The following GNA12 variants were observed in gnomAD, a reference collection of about 807,000 sequenced individuals.
The protein encoded by GNA12 is G protein subunit alpha 12.
In GNA12, 9 loss-of-function variants were observed where a neutral mutation model predicts 26.0. That is an observed-to-expected ratio of 0.35 (90% CI 0.21 to 0.60). The LOEUF is 0.60. Ranked by LOEUF, GNA12 falls within the 20% of genes least tolerant of loss-of-function variation. GNA12 has a pLI of 0.78. For synonymous variants in GNA12, 264 were observed against 219.6 expected, an observed-to-expected ratio of 1.20 and a Z score of -1.79; for missense variants, 405 against 525.8, an observed-to-expected ratio of 0.77 and a Z score of 2.25.
intron 1 of GNA12, among the ~76,000 whole-genome samples, chr7:2,838,963 G>T (rs958947225): frequency 1.3e-5 from 2 of 152,166 alleles, no homozygotes; most frequent in African/African-American, 2.4e-5. Context: ...TTAACTGACA[G>T]AACTACTGAA....
intron 2 of GNA12, among the ~76,000 whole-genome samples, chr7:2,742,634 T>C (rs1255911426): frequency 6.6e-6 from 1 of 152,208 alleles, no homozygotes; most frequent in Admixed American, 6.5e-5. Flanking sequence ...TAAAGTCAGC[T>C]GTCAATGTCT....
At chr7:2,743,394 TTCA>T (rs1313917074) in intron 2 of GNA12, among the ~76,000 whole-genome samples, 1 of 152,134 alleles carries the variant, frequency 6.6e-6, no homozygotes, top group Non-Finnish European at 1.5e-5. Context: ...ATGGAAGATA[TTCA>T]TCATCAGGGG....
At chr7:2,801,038 C>T (rs1792796945) in intron 1 of GNA12, among the ~76,000 whole-genome samples, 1 of 152,100 alleles carries the variant, frequency 6.6e-6, no homozygotes, top group South Asian at 2.1e-4. Context: ...GGCGAGGTCT[C>T]GGGCAAAGGG....
intron 2 of GNA12, among the ~76,000 whole-genome samples, chr7:2,759,848 T>A (rs996262998): frequency 3.9e-5 from 6 of 151,924 alleles, no homozygotes; most frequent in African/African-American, 1.5e-4. Context: ...TGCCGTCCAA[T>A]GCGATTGTCC....
chr7:2,792,678 C>T (rs935282697), intron 2 of GNA12, among the ~76,000 whole-genome samples: 1 of 152,200 alleles, frequency 6.6e-6, no homozygotes, highest in Admixed American at 6.6e-5. Flanking sequence ...TCTTCCAGCC[C>T]TGCTCTTTAG....
chr7:2,766,666 G>A lies in GNA12; in HGVS notation c.525+28262C>T, dbSNP rs113719469. 4.9e-3 allele frequency among the ~76,000 whole-genome samples: 745 copies of A among 152,278 alleles called. 4 individuals carry two copies. Among genetic ancestry groups the A allele is most frequent in the African/African-American group, 0.016 (684 of 41,554 alleles). On this transcript the variant is annotated intron_variant, in intron 2 of 3. Coordinates refer to ENST00000275364, the MANE Select transcript of GNA12 (RefSeq NM_007353.3). The stretch of plus-strand genomic sequence containing the variant: ...CTCCCAAAGTGCTGGGATTACAGGT[G>A]TGAGCCACCGCACCTGGCCAGCTTC...
At chr7:2,757,377 C>T (rs1282574911) in intron 2 of GNA12, among the ~76,000 whole-genome samples, 1 of 152,094 alleles carries the variant, frequency 6.6e-6, no homozygotes, top group East Asian at 1.9e-4. Context: ...TCCTGCTGAC[C>T]TAGAAGAAAG....
intron 2 of GNA12, among the ~76,000 whole-genome samples, chr7:2,765,725 G>C (rs1432708938): frequency 6.6e-6 from 1 of 151,988 alleles, no homozygotes; most frequent in Non-Finnish European, 1.5e-5. Flanking sequence ...CCGCCTCCTG[G>C]GTTCAAGCGA....
intron 2 of GNA12, among the ~76,000 whole-genome samples, chr7:2,783,081 A>C (rs936440945): frequency 1.3e-5 from 2 of 152,146 alleles, no homozygotes; most frequent in African/African-American, 4.8e-5. Flanking sequence ...TATCTGAAGC[A>C]TGTAGGTCTG....
At chr7:2,762,837 C>T (rs772109322) in intron 2 of GNA12, 4 of 1,493,680 alleles carry the variant, frequency 2.7e-6, no homozygotes, top group Non-Finnish European at 3.6e-6. Context: ...ACCCAGTCAG[C>T]GCGGCTCCGA....
chr7:2,817,764 C>A (rs546530847), intron 1 of GNA12, among the ~76,000 whole-genome samples: 4 of 152,288 alleles, frequency 2.6e-5, no homozygotes, highest in Non-Finnish European at 5.9e-5. Flanking sequence ...AGTATTAGGA[C>A]TGGGGAGGAG....
Position 2,798,936 on chromosome 7 carries a change from T to C in GNA12, c.310-3793A>G, listed in dbSNP as rs1164599342. On this transcript the variant is annotated intron_variant, in intron 1 of 3. Coordinates refer to ENST00000275364, the MANE Select transcript of GNA12 (RefSeq NM_007353.3). ...CAAACGCTGTTGGAGGAAGTGGACT[T>C]CCACAGGTAAAGAAAATTGGGGGGA... Among the ~76,000 whole-genome samples, 6 of 123,364 alleles carry C rather than the reference T, an allele frequency of 4.9e-5. No individual in the cohort carries two copies. In the Admixed American group the frequency reaches 5.5e-4, roughly 11 times the overall value. 80.9% of individuals were successfully genotyped at this position (123,364 alleles called of 152,430 possible). A position where few individuals can be genotyped will look rare whatever the true frequency, so the allele number is the denominator to read the frequency against.
chr7:2,758,387 A>G lies in GNA12; in HGVS notation c.526-24886T>C, dbSNP rs1350398249. Among the ~76,000 whole-genome samples the G allele has an allele frequency of 2.6e-5, 4 of 152,090 alleles. No individual in the cohort carries two copies. In the South Asian group the frequency reaches 6.2e-4, roughly 24 times the overall value. Reference sequence around the variant, plus strand: ...AAGCTCCAATGCAGGCTTGCACATGAAAGAGGGTGTAAAGGGCAGACAGTG... The same window carrying G: ...AAGCTCCAATGCAGGCTTGCACATGGAAGAGGGTGTAAAGGGCAGACAGTG... On this transcript the variant is annotated intron_variant, in intron 2 of 3. Coordinates refer to ENST00000275364, the MANE Select transcript of GNA12 (RefSeq NM_007353.3).
At chr7:2,739,437 A>C (rs1326584101) in intron 2 of GNA12, among the ~76,000 whole-genome samples, 4 of 152,190 alleles carry the variant, frequency 2.6e-5, no homozygotes, top group Non-Finnish European at 4.4e-5. Flanking sequence ...AGGCTCGCCC[A>C]TGCTGTGGCA....
At chr7:2,836,041 TA>T (rs1221369820) in intron 1 of GNA12, 8 of 263,604 alleles carry the variant, frequency 3.0e-5, no homozygotes, top group African/African-American at 9.3e-5. Context: ...TTATAATACT[TA>T]AAAAAATTTG....
At chr7:2,743,577 G>C (rs1050771127) in intron 2 of GNA12, among the ~76,000 whole-genome samples, 3 of 152,178 alleles carry the variant, frequency 2.0e-5, no homozygotes, top group Non-Finnish European at 4.4e-5. Context: ...TGGCCGAATA[G>C]GAACAGCTCC....
chr7:2,815,428 G>A (rs1793195778), intron 1 of GNA12, among the ~76,000 whole-genome samples: 1 of 152,216 alleles, frequency 6.6e-6, no homozygotes, highest in Non-Finnish European at 1.5e-5. Flanking sequence ...GGAGGCTGGA[G>A]CGTGTAGGAG....
chr7:2,775,058 C>T (rs1034157730), intron 2 of GNA12, among the ~76,000 whole-genome samples: 1 of 152,206 alleles, frequency 6.6e-6, no homozygotes, highest in African/African-American at 2.4e-5. Flanking sequence ...TGAGTTACTT[C>T]CCCTCTACTG....
chr7:2,757,053 C>A (rs1463755277), intron 2 of GNA12, among the ~76,000 whole-genome samples: 1 of 150,314 alleles, frequency 6.7e-6, no homozygotes, highest in Non-Finnish European at 1.5e-5. Context: ...CCAGTCTGGG[C>A]AACAGAGCGA....
Sources: allele counts gnomAD v4.1 joint callset (sites outside exome capture counted in the v4.1 genomes callset), GRCh38; gene constraint gnomAD v4.1.1; transcripts MANE v1.5; gene names NCBI Gene and HGNC (gene_info 2026-07-23, HGNC 2026-07-21).